Variants in CCDC126 observed in about 807,000 individuals in gnomAD.
CCDC126 encodes the protein coiled-coil domain containing 126.
CCDC126 carries 5 observed loss-of-function variants against 11.7 expected under a neutral mutation model. The observed-to-expected ratio is 0.43, with a 90% CI of 0.22 to 0.90. The LOEUF is 0.90. Among genes scored for constraint, CCDC126 ranks in the 40% least tolerant of loss-of-function variants. The pLI is 0.27. For missense variants in CCDC126, 150 were observed against 163.1 expected, an observed-to-expected ratio of 0.92 and a Z score of 0.44; for synonymous variants, 60 against 61.9, an observed-to-expected ratio of 0.97 and a Z score of 0.14.
At chr7:23,640,898 G>A (rs1050575836) in intron 3 of CCDC126, among the ~76,000 whole-genome samples, 1 of 151,574 alleles carries the variant, frequency 6.6e-6, no homozygotes, top group African/African-American at 2.4e-5. Context: ...ATCTGTTGAT[G>A]GACACTTGAG....
At chr7:23,629,388 C>T (rs1463406907) in intron 3 of CCDC126, among the ~76,000 whole-genome samples, 2 of 152,178 alleles carry the variant, frequency 1.3e-5, no homozygotes, top group African/African-American at 4.8e-5. Context: ...CTGCCGGCCC[C>T]TTGATAGTGT....
intron 3 of CCDC126, among the ~76,000 whole-genome samples, chr7:23,613,677 T>C (rs2128016363): frequency 6.6e-6 from 1 of 152,352 alleles, no homozygotes; most frequent in South Asian, 2.1e-4. Flanking sequence ...TAGAATAATA[T>C]TCAGTATTTA....
chr7:23,629,023 G>A (rs1342802016), intron 3 of CCDC126, among the ~76,000 whole-genome samples: 2 of 152,166 alleles, frequency 1.3e-5, no homozygotes, highest in Non-Finnish European at 2.9e-5. Context: ...CCTAAAACAG[G>A]AGGTTTAAAT....
At chr7:23,606,729 A>C (rs1342282467) in intron 2 of CCDC126, among the ~76,000 whole-genome samples, 1 of 152,190 alleles carries the variant, frequency 6.6e-6, no homozygotes, top group Non-Finnish European at 1.5e-5. Context: ...AAAATATTCA[A>C]GGTTTATCTT....
At chr7:23,640,922 T>G (rs1783342733) in intron 3 of CCDC126, among the ~76,000 whole-genome samples, 1 of 152,166 alleles carries the variant, frequency 6.6e-6, no homozygotes, top group Admixed American at 6.5e-5. Flanking sequence ...TTTCTACCTT[T>G]TGACTGTTGT....
At chr7:23,624,800 T>C (rs1468503814) in intron 3 of CCDC126, among the ~76,000 whole-genome samples, 2 of 152,252 alleles carry the variant, frequency 1.3e-5, no homozygotes, top group East Asian at 3.8e-4. Context: ...TTCCATTTTA[T>C]ACACATAGGT....
intron 3 of CCDC126, among the ~76,000 whole-genome samples, chr7:23,629,951 C>G (rs1038346234): frequency 9.9e-5 from 15 of 152,252 alleles, no homozygotes; most frequent in African/African-American, 3.6e-4. Flanking sequence ...TGGCAAAAGA[C>G]AGAGTCCTCA....
At chr7:23,639,786 C>G (rs1226453177) in intron 3 of CCDC126, among the ~76,000 whole-genome samples, 1 of 151,506 alleles carries the variant, frequency 6.6e-6, no homozygotes, top group African/African-American at 2.4e-5. Flanking sequence ...TGATCACCCT[C>G]TATCACGACC....
At chr7:23,626,598 A>T (rs1783020157) in intron 3 of CCDC126, among the ~76,000 whole-genome samples, 1 of 152,162 alleles carries the variant, frequency 6.6e-6, no homozygotes, top group Non-Finnish European at 1.5e-5. Context: ...ATATTATTAT[A>T]TCATCCAGGT....
intron 3 of CCDC126, chr7:23,622,328 A>T: frequency 3.8e-6 from 1 of 265,550 alleles, no homozygotes; most frequent in Non-Finnish European, 7.3e-6. Flanking sequence ...TGTGTCAAGG[A>T]ATTTATCCAT....
At chr7:23,640,105 C>T (rs547943078) in intron 3 of CCDC126, among the ~76,000 whole-genome samples, 2 of 151,832 alleles carry the variant, frequency 1.3e-5, no homozygotes, top group East Asian at 3.9e-4. Flanking sequence ...ATCGCTTGAA[C>T]CTGGGAGGTG....
intron 3 of CCDC126, chr7:23,622,898 G>A: frequency 2.9e-6 from 1 of 342,542 alleles, no homozygotes; most frequent in Non-Finnish European, 5.7e-6. Flanking sequence ...TACACATGCA[G>A]TAACATGAAT....
At chr7:23,619,326 C>T (rs147084175) in intron 3 of CCDC126, 4 of 309,556 alleles carry the variant, frequency 1.3e-5, no homozygotes, top group Middle Eastern at 1.2e-3. Context: ...AGGAGTGTGG[C>T]GTGACCATAG....
At chr7:23,621,727 A>C (rs546938836) in intron 3 of CCDC126, among the ~76,000 whole-genome samples, 1 of 152,312 alleles carries the variant, frequency 6.6e-6, no homozygotes, top group Non-Finnish European at 1.5e-5. Context: ...TGTCATAAAT[A>C]GCTCTCATTA....
intron 3 of CCDC126, among the ~76,000 whole-genome samples, chr7:23,612,474 CAAAAAAAAAAAAAA>C (rs70954395): frequency 7.1e-5 from 4 of 56,224 alleles, no homozygotes; most frequent in South Asian, 2.3e-3. Flanking sequence ...GACTCCATCT[CAAAAAAAAAAAAAA>C]AAAAAAAAAA....
chr7:23,600,819 A>G (rs1001634421), intron 2 of CCDC126, among the ~76,000 whole-genome samples: 6 of 152,356 alleles, frequency 3.9e-5, no homozygotes, highest in African/African-American at 1.4e-4. Context: ...TGCATAAAAT[A>G]CAAGGAAGTA....
At chr7:23,603,821 C>T (rs12531563) in intron 2 of CCDC126, among the ~76,000 whole-genome samples, 14,047 of 152,184 alleles carry the variant, frequency 0.092, 799 homozygotes, top group East Asian at 0.15. Context: ...TTCTCAGTGA[C>T]GGCTGATTGT....
chr7:23,643,221 G>A lies in CCDC126; in HGVS notation c.*106G>A, dbSNP rs1783397958. ...GACAGAGCAATACTTTACAATAAAA[G>A]CTCTACACATTTTCAAGGAGTATGC... On this transcript the variant is annotated 3_prime_UTR_variant, in exon 4 of 4. Coordinates refer to ENST00000307471, the MANE Select transcript of CCDC126 (RefSeq NM_138771.4). The A allele has an allele frequency of 1.1e-6, 1 of 948,420 alleles. No individual in the cohort carries two copies. The highest frequency in any genetic ancestry group is 1.9e-5 in the South Asian group (1 of 51,596). The allele number at this position is 948,420 out of a possible 1,614,324, so 58.8% of individuals were successfully genotyped here.
chr7:23,638,856 AAATT>A (rs1783296554), intron 3 of CCDC126, among the ~76,000 whole-genome samples: 1 of 117,722 alleles, frequency 8.5e-6, no homozygotes, highest in Non-Finnish European at 1.7e-5. Context: ...ATACAATAAT[AAATT>A]AACAAAAAAA....
Sources: allele counts gnomAD v4.1 joint callset (sites outside exome capture counted in the v4.1 genomes callset), GRCh38; gene constraint gnomAD v4.1.1; transcripts MANE v1.5; gene names NCBI Gene and HGNC (gene_info 2026-07-23, HGNC 2026-07-21).